The following RPS6KA5 variants were observed in gnomAD, a reference collection of about 807,000 sequenced individuals.
RPS6KA5 encodes ribosomal protein S6 kinase A5.
RPS6KA5 carries 27 observed loss-of-function variants against 85.5 expected under a neutral mutation model. The observed-to-expected ratio is 0.32, with a 90% CI of 0.23 to 0.44. RPS6KA5 has a LOEUF of 0.44. RPS6KA5 is among the 20% of genes least tolerant of loss of function. The pLI, the probability that RPS6KA5 is intolerant of heterozygous loss-of-function variation, is 1.00. For synonymous variants in RPS6KA5, 334 were observed against 348.2 expected (o/e 0.96, Z 0.46); for missense variants, 811 against 980.9 (o/e 0.83, Z 2.31).
At position 90,868,720 on chromosome 14, in the gene RPS6KA5, A is replaced by C. The variant is rs1378587159; in HGVS notation, c.*3354T>G. On this transcript the variant is annotated 3_prime_UTR_variant, in exon 17 of 17. Coordinates refer to ENST00000614987, the MANE Select transcript of RPS6KA5 (RefSeq NM_004755.4). ...AGGCGCTTGAAATGGGGGCAAGGTGAATAAGTATCCAGTCAATTGTATACT... is the reference window on the plus strand; with the variant it reads ...AGGCGCTTGAAATGGGGGCAAGGTGCATAAGTATCCAGTCAATTGTATACT... The C allele has an allele frequency of 1.3e-5, 2 of 152,204 alleles. No homozygotes were observed. The highest frequency in any genetic ancestry group is 4.8e-5 in the African/African-American group (2 of 41,448). 9.4% of individuals were successfully genotyped at this position (152,204 alleles called of 1,614,324 possible). A position where few individuals can be genotyped will look rare whatever the true frequency, so the allele number is the denominator to read the frequency against.
chr14:91,002,445 A>G (rs2040831679), intron 1 of RPS6KA5, among the ~76,000 whole-genome samples: 1 of 152,178 alleles, frequency 6.6e-6, no homozygotes, highest in South Asian at 2.1e-4. Flanking sequence ...CATAGAATTT[A>G]ATGAGGATTA....
chr14:91,009,115 C>CTA (rs1399159182), intron 1 of RPS6KA5, among the ~76,000 whole-genome samples: 1 of 152,180 alleles, frequency 6.6e-6, no homozygotes, highest in African/African-American at 2.4e-5. Context: ...TTGGCCCCTG[C>CTA]TATGGTGTGA....
chr14:90,935,898 T>C (rs923643621), intron 5 of RPS6KA5, among the ~76,000 whole-genome samples: 1 of 152,232 alleles, frequency 6.6e-6, no homozygotes, highest in Non-Finnish European at 1.5e-5. Context: ...CTTTTTGACA[T>C]TATTTGCTTA....
Position 90,894,346 on chromosome 14 carries a change from C to T in RPS6KA5, c.1644+67G>A, listed in dbSNP as rs1296760801. 8 of 1,411,920 alleles carry T rather than the reference C, an allele frequency of 5.7e-6. No homozygotes were observed. In the South Asian group the frequency reaches 1.4e-4, roughly 24 times the overall value. The allele number at this position is 1,411,920 out of a possible 1,614,324, so 87.5% of individuals were successfully genotyped here. On this transcript the variant is annotated intron_variant, in intron 13 of 16. Transcript: ENST00000614987. ...AAGGAAACCTCCCCAGAAACTTCCC[C>T]CATGTTTGGGAGATCTTTAATAATG...
intron 3 of RPS6KA5, among the ~76,000 whole-genome samples, chr14:90,949,219 T>TA: frequency 6.6e-6 from 1 of 152,318 alleles, no homozygotes; most frequent in East Asian, 1.9e-4. Flanking sequence ...TTTCCATAGT[T>TA]AGTCATGACA....
At chr14:91,054,097 T>C (rs1428464119) in intron 1 of RPS6KA5, among the ~76,000 whole-genome samples, 7 of 152,126 alleles carry the variant, frequency 4.6e-5, no homozygotes, top group Admixed American at 4.6e-4. Flanking sequence ...GAGAAAAAAA[T>C]AGTCTTTTCA....
In RPS6KA5 at chr14:91,060,527, G is replaced by A. The variant is rs1377882809; in HGVS notation, c.-93C>T. ...CCTCGCAGCCGCTGCCGCGGCCCCA[G>A]GAGTCGGGGTGCGGCGGCTCCAGAA... On this transcript the variant is annotated 5_prime_UTR_variant, in exon 1 of 17. Transcript: ENST00000614987. 17 of 1,232,322 alleles carry A rather than the reference G, an allele frequency of 1.4e-5. No homozygotes were observed. Among genetic ancestry groups the A allele is most frequent in the Non-Finnish European group, 1.6e-5 (16 of 980,292 alleles). The allele number at this position is 1,232,322 out of a possible 1,614,324, so 76.3% of individuals were successfully genotyped here.
intron 1 of RPS6KA5, among the ~76,000 whole-genome samples, chr14:91,037,523 A>G (rs2042451546): frequency 6.6e-6 from 1 of 152,162 alleles, no homozygotes; most frequent in African/African-American, 2.4e-5. Flanking sequence ...ATTCTTAATT[A>G]CCTTGGTGAA....
intron 3 of RPS6KA5, among the ~76,000 whole-genome samples, chr14:90,969,382 C>T (rs919365461): frequency 6.6e-6 from 1 of 152,178 alleles, no homozygotes; most frequent in Non-Finnish European, 1.5e-5. Context: ...GAAATCTCTC[C>T]ATTGTTCTGC....
intron 3 of RPS6KA5, among the ~76,000 whole-genome samples, chr14:90,958,712 T>C (rs1023600669): frequency 2.6e-5 from 4 of 152,080 alleles, no homozygotes; most frequent in Non-Finnish European, 5.9e-5. Context: ...ACACACAGCA[T>C]TGAAAAAACA....
chr14:90,973,255 ACATGGTGAAACC>A (rs2039405425), intron 3 of RPS6KA5, among the ~76,000 whole-genome samples: 1 of 152,204 alleles, frequency 6.6e-6, no homozygotes, highest in Admixed American at 6.5e-5. Flanking sequence ...AGCCTAGCCA[ACATGGTGAAACC>A]CTGTCTCTAC....
intron 1 of RPS6KA5, among the ~76,000 whole-genome samples, chr14:91,054,617 C>T (rs2043231374): frequency 7.1e-6 from 1 of 141,220 alleles, no homozygotes; most frequent in Non-Finnish European, 1.5e-5. Flanking sequence ...ACCTGGGCAA[C>T]ACAGCAAGAC....
At chr14:90,879,091 C>T (rs2033662006) in intron 14 of RPS6KA5, among the ~76,000 whole-genome samples, 1 of 152,182 alleles carries the variant, frequency 6.6e-6, no homozygotes, top group African/African-American at 2.4e-5. Context: ...TTACTAGACC[C>T]CGGCAGGCTC....
chr14:91,040,455 G>C (rs941641400), intron 1 of RPS6KA5, among the ~76,000 whole-genome samples: 3 of 152,044 alleles, frequency 2.0e-5, no homozygotes, highest in Non-Finnish European at 2.9e-5. Context: ...AACATGGAAA[G>C]CTGGAAGAAA....
At chr14:90,948,453 T>C (rs891802704) in intron 3 of RPS6KA5, among the ~76,000 whole-genome samples, 2 of 152,150 alleles carry the variant, frequency 1.3e-5, no homozygotes, top group Non-Finnish European at 2.9e-5. Flanking sequence ...TCTCAGCACT[T>C]TGGGAGGCCG....
intron 3 of RPS6KA5, among the ~76,000 whole-genome samples, chr14:90,962,802 ATTCT>A (rs1359052016): frequency 2.0e-5 from 3 of 152,266 alleles, no homozygotes; most frequent in East Asian, 1.9e-4. Flanking sequence ...TTGCTTTAGC[ATTCT>A]TTCTGTTTTC....
At chr14:90,940,848 T>C (rs957614910) in intron 5 of RPS6KA5, among the ~76,000 whole-genome samples, 2 of 152,174 alleles carry the variant, frequency 1.3e-5, no homozygotes, top group African/African-American at 4.8e-5. Flanking sequence ...TATTGTGAAG[T>C]GTGCATGCAA....
chr14:90,988,751 T>C (rs1322889655), intron 2 of RPS6KA5, among the ~76,000 whole-genome samples: 1 of 152,122 alleles, frequency 6.6e-6, no homozygotes, highest in Non-Finnish European at 1.5e-5. Context: ...AGGCGGAGGT[T>C]GCAGTGAGCT....
At chr14:90,889,534 A>G (rs1373176228) in intron 14 of RPS6KA5, among the ~76,000 whole-genome samples, 4 of 152,100 alleles carry the variant, frequency 2.6e-5, no homozygotes, top group Non-Finnish European at 4.4e-5. Context: ...AGTTGTGCAT[A>G]CCCTTCTTCT....
Sources: allele counts gnomAD v4.1 joint callset (sites outside exome capture counted in the v4.1 genomes callset), GRCh38; gene constraint gnomAD v4.1.1; transcripts MANE v1.5; gene names NCBI Gene and HGNC (gene_info 2026-07-23, HGNC 2026-07-21).